KCNAB1: variants seen among roughly 807,000 people sequenced by gnomAD.
KCNAB1 encodes the protein voltage-gated potassium channel subunit beta-1.
A neutral mutation model predicts 64.6 loss-of-function variants in KCNAB1; 35 were observed. The ratio of observed to expected loss-of-function variants is 0.54; its 90% CI spans 0.41 to 0.72. The LOEUF is 0.72. KCNAB1 is among the 30% of genes least tolerant of loss of function. The pLI is 0.00. For synonymous variants in KCNAB1, 177 were observed against 183.8 expected (o/e 0.96, Z 0.30); for missense variants, 401 against 512.9 (o/e 0.78, Z 2.11).
intron 1 of KCNAB1, among the ~76,000 whole-genome samples, chr3:156,156,121 T>G (rs1715696250): frequency 6.6e-6 from 1 of 152,206 alleles, no homozygotes; most frequent in Non-Finnish European, 1.5e-5. Flanking sequence ...ATTAAATACT[T>G]AGCCTAGACT....
intron 1 of KCNAB1, among the ~76,000 whole-genome samples, chr3:156,292,317 A>T (rs1462799626): frequency 6.6e-6 from 1 of 152,182 alleles, no homozygotes; most frequent in African/African-American, 2.4e-5. Flanking sequence ...AAAGATTTTT[A>T]AAAATGTGGC....
chr3:156,352,893 C>T lies in KCNAB1; in HGVS notation c.276-68723C>T, dbSNP rs568797904. Among the ~76,000 whole-genome samples the T allele has an allele frequency of 2.0e-5, 3 of 152,366 alleles. No homozygotes were observed. In the South Asian group the frequency reaches 6.2e-4, roughly 32 times the overall value. ...ATTCTGCACAGTGGGAAGTTCGCTA[C>T]CTGTCATCGAGCCCATCTGTAGGCT... On this transcript the variant is annotated intron_variant, in intron 1 of 13. Transcript: ENST00000490337.
At chr3:156,458,470 C>T (rs1239078495) in intron 4 of KCNAB1, among the ~76,000 whole-genome samples, 1 of 152,222 alleles carries the variant, frequency 6.6e-6, no homozygotes, top group Non-Finnish European at 1.5e-5. Context: ...AATTCACCTC[C>T]TTCCAGGTTA....
upstream of KCNAB1, among the ~76,000 whole-genome samples, chr3:156,119,503 A>G (rs1713224864): frequency 6.6e-6 from 1 of 152,100 alleles, no homozygotes; most frequent in Non-Finnish European, 1.5e-5. Flanking sequence ...GACTCTAAGG[A>G]CTTGCTATAA....
intron 13 of KCNAB1, among the ~76,000 whole-genome samples, chr3:156,534,149 A>G (rs757520860): frequency 4.6e-5 from 7 of 152,122 alleles, no homozygotes; most frequent in Admixed American, 6.5e-5. Context: ...GCCCCACAAC[A>G]TGGTGAAAAG....
At chr3:156,534,295 T>C (rs1185335096) in intron 13 of KCNAB1, among the ~76,000 whole-genome samples, 1 of 152,122 alleles carries the variant, frequency 6.6e-6, no homozygotes, top group East Asian at 1.9e-4. Context: ...GCCACGTGCC[T>C]AAGATGTGCA....
intron 1 of KCNAB1, among the ~76,000 whole-genome samples, chr3:156,392,161 T>A (rs1713090192): frequency 6.6e-6 from 1 of 152,254 alleles, no homozygotes; most frequent in Non-Finnish European, 1.5e-5. Flanking sequence ...GTAACATCAT[T>A]TGAAATTCTA....
intron 1 of KCNAB1, among the ~76,000 whole-genome samples, chr3:156,294,890 C>A (rs882089): frequency 6.6e-6 from 1 of 151,964 alleles, no homozygotes; most frequent in South Asian, 2.1e-4. Flanking sequence ...AACTCAAAAA[C>A]TGTCAAACAG....
At chr3:156,429,867 G>A (rs944663261) in intron 2 of KCNAB1, among the ~76,000 whole-genome samples, 1 of 152,072 alleles carries the variant, frequency 6.6e-6, no homozygotes. Flanking sequence ...GTGAACTATC[G>A]TAACTCCGAA....
chr3:156,516,418 G>C, intron 11 of KCNAB1, 54 bp downstream of exon 11: 1 of 1,313,192 alleles, frequency 7.6e-7, no homozygotes, highest in Non-Finnish European at 1.1e-6. Context: ...AGGGAAGAAG[G>C]TTGGTAAGAA....
In KCNAB1 at chr3:156,460,128, G is replaced by A. The variant is rs1161123493; in HGVS notation, c.482+257G>A. On this transcript the variant is annotated intron_variant, in intron 5 of 13. Transcript: ENST00000490337. ...AGGGGGGGATGTTCATGAAATATTTGTGCATGAAAAAGTGACAATTTCATG... is the reference window on the plus strand; with the variant it reads ...AGGGGGGGATGTTCATGAAATATTTATGCATGAAAAAGTGACAATTTCATG... 1.7e-5 allele frequency: 7 copies of A among 414,186 alleles called. No homozygotes were observed. In the East Asian group the frequency reaches 2.8e-4, roughly 16 times the overall value. The allele number at this position is 414,186 out of a possible 1,614,324, so 25.7% of individuals were successfully genotyped here.
At chr3:156,337,102 A>T (rs373250082) in intron 1 of KCNAB1, among the ~76,000 whole-genome samples, 2 of 152,232 alleles carry the variant, frequency 1.3e-5, no homozygotes, top group East Asian at 1.9e-4. Context: ...CATAATTCAC[A>T]TGGCGTTTAG....
intron 11 of KCNAB1, among the ~76,000 whole-genome samples, chr3:156,520,428 A>G (rs140826387): frequency 2.0e-5 from 3 of 152,236 alleles, no homozygotes; most frequent in African/African-American, 7.2e-5. Context: ...AAAAATACAA[A>G]AAATTAGCCA....
At chr3:156,370,379 C>T (rs861642) in intron 1 of KCNAB1, among the ~76,000 whole-genome samples, 202 of 152,278 alleles carry the variant, frequency 1.3e-3, no homozygotes, top group Non-Finnish European at 2.6e-3. Flanking sequence ...AGTACAATCA[C>T]TTATAAAATA....
chr3:156,262,434 A>G (rs2108480889), intron 1 of KCNAB1, among the ~76,000 whole-genome samples: 1 of 151,890 alleles, frequency 6.6e-6, no homozygotes, highest in Non-Finnish European at 1.5e-5. Flanking sequence ...TTTTTTCTTC[A>G]TCTATTGAGC....
intron 1 of KCNAB1, among the ~76,000 whole-genome samples, chr3:156,282,704 C>T (rs1480500416): frequency 7.4e-6 from 1 of 134,324 alleles, no homozygotes; most frequent in African/African-American, 2.8e-5. Flanking sequence ...TGAATTGATC[C>T]CTTTACCATT....
intron 1 of KCNAB1, among the ~76,000 whole-genome samples, chr3:156,194,816 T>C (rs1713792926): frequency 1.3e-5 from 2 of 152,290 alleles, no homozygotes; most frequent in African/African-American, 4.8e-5. Flanking sequence ...GTGTGAAGAA[T>C]GTGCAGGTTT....
chr3:156,381,686 G>A (rs138221992), intron 1 of KCNAB1, among the ~76,000 whole-genome samples: 487 of 152,310 alleles, frequency 3.2e-3, no homozygotes, highest in Non-Finnish European at 5.5e-3. Context: ...AGGATCTTGT[G>A]GAAAATGGAG....
At chr3:156,495,351 C>A (rs576321494) in intron 8 of KCNAB1, among the ~76,000 whole-genome samples, 1 of 152,248 alleles carries the variant, frequency 6.6e-6, no homozygotes, top group African/African-American at 2.4e-5. Flanking sequence ...AGGAGAAATA[C>A]CATTCAACCC....
Sources: allele counts gnomAD v4.1 joint callset (sites outside exome capture counted in the v4.1 genomes callset), GRCh38; gene constraint gnomAD v4.1.1; transcripts MANE v1.5; gene names NCBI Gene and HGNC (gene_info 2026-07-23, HGNC 2026-07-21).